CPN2: variants seen among roughly 807,000 people sequenced by gnomAD.
CPN2 encodes carboxypeptidase N subunit 2.
For missense variants in CPN2, 620 were observed against 671.4 expected (o/e 0.92, Z 0.85); for synonymous variants, 336 against 318.4 (o/e 1.06, Z -0.59).
chr3:194,349,087 A>G (rs1405148300), intron 1 of CPN2, among the ~76,000 whole-genome samples: 1 of 151,818 alleles, frequency 6.6e-6, no homozygotes, highest in African/African-American at 2.4e-5. Flanking sequence ...GGGGTCTGGC[A>G]CTGTGGCTCA....
At chr3:194,345,401 A>G (rs1257374088) in intron 1 of CPN2, among the ~76,000 whole-genome samples, 1 of 152,226 alleles carries the variant, frequency 6.6e-6, no homozygotes, top group East Asian at 1.9e-4. Flanking sequence ...ATCATAGCTC[A>G]CTGCAGCCTC....
chr3:194,342,521 A>C lies in CPN2; in HGVS notation c.182T>G (p.Phe61Cys). 6.2e-7 allele frequency: 1 copy of C among 1,614,200 alleles called. No individual in the cohort carries two copies. The highest frequency in any genetic ancestry group is 8.5e-7 in the Non-Finnish European group (1 of 1,180,026). ...AAAAGCTCTGGTTTCCAATGTGGTG[A>C]ACGAGGTCTCCACAAAGATGATGTT... ...TKNIIFVETS[F>C]TTLETRAFGS... The change falls in exon 2 of 2, where the codon TTC (phenylalanine) becomes TGC (cysteine). Residue 61 changes from phenylalanine to cysteine, a missense_variant. By Grantham distance (205) the Phe-to-Cys change is radical. Transcript: ENST00000323830.
chr3:194,350,186 G>A (rs1247700378), intron 1 of CPN2, among the ~76,000 whole-genome samples: 1 of 152,102 alleles, frequency 6.6e-6, no homozygotes, highest in South Asian at 2.1e-4. Context: ...GCACCCACCC[G>A]ACTGAGCCCG....
chr3:194,347,382 G>T (rs1402603599), intron 1 of CPN2, among the ~76,000 whole-genome samples: 1 of 152,000 alleles, frequency 6.6e-6, no homozygotes, highest in East Asian at 1.9e-4. Flanking sequence ...TAGAACCCTG[G>T]CCCCAGACAC....
In CPN2 at chr3:194,342,244, CTGCAGG is replaced by C; in HGVS notation, c.453_458del (p.His151_Leu152del). ...TGGGCAGGGCCTGGAGCTGGTTCCC[CTGCAGG>C]TGGAGGGACTCCAGGGCAGCCAGGT... On this transcript the variant is annotated inframe_deletion, in exon 2 of 2. Coordinates refer to ENST00000323830, the MANE Select transcript of CPN2 (RefSeq NM_001080513.4). 6.2e-7 allele frequency: 1 copy of C among 1,613,934 alleles called. No homozygotes were observed. The highest frequency in any genetic ancestry group is 1.1e-5 in the South Asian group (1 of 91,064).
In CPN2 at chr3:194,347,717, T is replaced by C. The variant is rs1442402931; in HGVS notation, c.-4+3525A>G. On this transcript the variant is annotated intron_variant, in intron 1 of 1. Coordinates refer to ENST00000323830, the MANE Select transcript of CPN2 (RefSeq NM_001080513.4). ...CCTCTGCCCAGTTCAGCCCACCCCA[T>C]CTGCTGCCCTGGCCAGCCCACCCCA... 4.0e-4 allele frequency among the ~76,000 whole-genome samples: 8 copies of C among 19,988 alleles called. No homozygotes were observed. In the South Asian group the frequency reaches 0.013, roughly 31 times the overall value. The allele number at this position is 19,988 out of a possible 152,430, so 13.1% of individuals were successfully genotyped here.
intron 1 of CPN2, among the ~76,000 whole-genome samples, chr3:194,348,884 T>C (rs1002103635): frequency 6.6e-6 from 1 of 151,874 alleles, no homozygotes; most frequent in Non-Finnish European, 1.5e-5. Context: ...GGGGAGACCT[T>C]GTCTCAAAAA....
chr3:194,344,493 A>C (rs887808004), intron 1 of CPN2, among the ~76,000 whole-genome samples: 1 of 152,152 alleles, frequency 6.6e-6, no homozygotes, highest in African/African-American at 2.4e-5. Flanking sequence ...TCAGGAGTTC[A>C]AGATTAGCCT....
chr3:194,342,666 G>A lies in CPN2; in HGVS notation c.37C>T (p.Leu13=). 1.9e-6 allele frequency: 3 copies of A among 1,587,580 alleles called. No individual in the cohort carries two copies. Among genetic ancestry groups the A allele is most frequent in the Non-Finnish European group, 2.6e-6 (3 of 1,160,986 alleles). The change falls in exon 2 of 2, where the codon CTG becomes TTG. Residue 13 remains leucine, a synonymous_variant. Coordinates refer to ENST00000323830, the MANE Select transcript of CPN2 (RefSeq NM_001080513.4). Reference sequence around the variant, plus strand: ...GGCTGGGCAGGCCTGGCCAGGAGCAGGAGGGAGGTCCAGAGCAGCCAGGCT... The same window carrying A: ...GGCTGGGCAGGCCTGGCCAGGAGCAAGAGGGAGGTCCAGAGCAGCCAGGCT... ...PGAWLLWTSL[L]LLARPAQPCP... is the part of the protein sequence containing the mutation.
chr3:194,341,302 G>A lies in CPN2; in HGVS notation c.1401C>T (p.Ser467=). Residue 467 remains serine, a synonymous_variant, in exon 2 of 2, where the codon AGC becomes AGT. Coordinates refer to ENST00000323830, the MANE Select transcript of CPN2 (RefSeq NM_001080513.4). ...TWPDESKAGG[S]WDLAVQERAA... ...CCCTTTCCTGCACAGCCAGATCCCA[G>A]CTGCCCCCTGCCTTGCTTTCGTCCG... is the stretch of plus-strand genomic sequence containing the variant. 1 of 1,613,636 alleles carries A rather than the reference G, an allele frequency of 6.2e-7. No homozygotes were observed. Among genetic ancestry groups the A allele is most frequent in the African/African-American group, 1.3e-5 (1 of 75,058 alleles).
rs1218134889 is a variant in CPN2 at position 194,341,985 on chromosome 3, G to A, written c.718C>T (p.Leu240Phe). 6.2e-7 allele frequency: 1 copy of A among 1,614,232 alleles called. No homozygotes were observed. The highest frequency in any genetic ancestry group is 1.6e-4 in the Middle Eastern group (1 of 6,062). ...SELPPQVFSQLFCLERLWLQR... is the reference protein window; with the variant it reads ...SELPPQVFSQFFCLERLWLQR... ...AGCCACAGCCTCTCTAGGCAGAAGA[G>A]CTGGGAGAACACCTGAGGGGGCAGC... The change falls in exon 2 of 2, where the codon CTC (leucine) becomes TTC (phenylalanine). Residue 240 changes from leucine (L) to phenylalanine (F), a missense_variant. By Grantham distance (22) the Leu-to-Phe change is conservative. Transcript: ENST00000323830.
intron 1 of CPN2, among the ~76,000 whole-genome samples, chr3:194,350,156 G>A (rs558836966): frequency 6.6e-6 from 1 of 152,178 alleles, no homozygotes; most frequent in Non-Finnish European, 1.5e-5. Context: ...GGGCTCTTCC[G>A]CTCTGTTTTC....
At chr3:194,345,157 TC>T (rs980182416) in intron 1 of CPN2, among the ~76,000 whole-genome samples, 1 of 152,176 alleles carries the variant, frequency 6.6e-6, no homozygotes, top group African/African-American at 2.4e-5. Context: ...AGCAGTGACT[TC>T]CTTTGGGCTC....
chr3:194,348,615 G>C (rs1053551915), intron 1 of CPN2, among the ~76,000 whole-genome samples: 8 of 152,224 alleles, frequency 5.3e-5, no homozygotes, highest in African/African-American at 1.4e-4. Context: ...TACAGGCTGG[G>C]TTCAGTGGCT....
intron 1 of CPN2, among the ~76,000 whole-genome samples, chr3:194,349,777 TC>T (rs1560039944): frequency 8.9e-6 from 1 of 112,382 alleles, no homozygotes; most frequent in African/African-American, 3.9e-5. Context: ...ACTACCCTCT[TC>T]TTTTTTTTTT....
In CPN2 at chr3:194,341,340, G is replaced by A. The variant is rs758477993; in HGVS notation, c.1363C>T (p.Gln455Ter). 1.2e-6 allele frequency: 2 copies of A among 1,613,920 alleles called. No homozygotes were observed. The highest frequency in any genetic ancestry group is 1.7e-5 in the Admixed American group (1 of 60,034). Residue 455 changes from glutamine (Q) to a stop codon, truncating the protein, a stop_gained, in exon 2 of 2, where the codon CAG becomes TAG. Transcript: ENST00000323830. LOFTEE classifies it low-confidence loss of function (END_TRUNC). ...TTGCTTTCGTCCGGCCACGTGACCT[G>A]GAAGCCCAAGTGGTCCCGGGTGACG... The part of the protein sequence containing the change: ...CPVTRDHLGF[Q>*]VTWPDESKAG...
chr3:194,346,969 G>A (rs7613958), intron 1 of CPN2, among the ~76,000 whole-genome samples: 97,464 of 152,016 alleles, frequency 0.64, 32,001 homozygotes, highest in East Asian at 0.81. Context: ...GCTCTGACTG[G>A]GAGCTCTGGC....
At chr3:194,344,478 T>C (rs953668773) in intron 1 of CPN2, among the ~76,000 whole-genome samples, 2 of 152,152 alleles carry the variant, frequency 1.3e-5, no homozygotes, top group African/African-American at 2.4e-5. Context: ...AGGTGGATCC[T>C]GAGGTCAGGA....
Position 194,341,948 on chromosome 3 carries a change from G to T in CPN2, c.755C>A (p.Ala252Asp), listed in dbSNP as rs149427019. The change falls in exon 2 of 2, where the codon GCC becomes GAC. Residue 252 changes from alanine to aspartate, a missense_variant. By Grantham distance (126) the Ala-to-Asp change is moderately radical. Coordinates refer to ENST00000323830, the MANE Select transcript of CPN2 (RefSeq NM_001080513.4). Reference sequence around the variant, plus strand: ...GATGGAGAGCGGCAGGTGCGTGATGGCGTTGCGTTGCAGCCACAGCCTCTC... The same window carrying T: ...GATGGAGAGCGGCAGGTGCGTGATGTCGTTGCGTTGCAGCCACAGCCTCTC... Reference protein sequence around the residue: ...CLERLWLQRNAITHLPLSIFA... With the variant: ...CLERLWLQRNDITHLPLSIFA... The T allele has an allele frequency of 6.2e-7, 1 of 1,613,964 alleles. No individual in the cohort carries two copies. The highest frequency in any genetic ancestry group is 1.1e-5 in the South Asian group (1 of 91,078).
Sources: gnomAD v4.1 joint callset for allele counts (sites outside exome capture counted in the v4.1 genomes callset) on GRCh38, gnomAD v4.1.1 for gene constraint, MANE v1.5 for transcripts, NCBI Gene and HGNC (gene_info 2026-07-23, HGNC 2026-07-21) for gene names.